OPHN1: variants seen among roughly 807,000 people sequenced by gnomAD.
The protein encoded by OPHN1 is oligophrenin-1.
In OPHN1, 11 loss-of-function variants were observed where a neutral mutation model predicts 60.7. The ratio of observed to expected loss-of-function variants is 0.18; its 90% confidence interval spans 0.11 to 0.30. OPHN1 has a LOEUF of 0.30. OPHN1 is among the 10% of genes least tolerant of loss of function. OPHN1 has a pLI of 1.00. For missense variants in OPHN1, 449 were observed against 611.0 expected, an observed-to-expected ratio of 0.73 and a Z score of 2.80; for synonymous variants, 226 against 222.6, an observed-to-expected ratio of 1.02 and a Z score of -0.14.
At chrX:68,273,576 A>T (rs1176868562) in intron 5 of OPHN1, among the ~76,000 whole-genome samples, 4 of 112,357 alleles carry the variant, frequency 3.6e-5, no homozygotes, top group African/African-American at 1.3e-4. Context: ...TGTCCAACAC[A>T]GTAGCTACTA....
intron 19 of OPHN1, among the ~76,000 whole-genome samples, chrX:68,082,001 A>G (rs1287346613): frequency 8.9e-6 from 1 of 112,035 alleles, no homozygotes; most frequent in Non-Finnish European, 1.9e-5. Flanking sequence ...CATTTCCACA[A>G]TGTTCACAGC....
At chrX:68,199,241 C>T (rs1489029776) in intron 11 of OPHN1, among the ~76,000 whole-genome samples, 1 of 111,662 alleles carries the variant, frequency 9.0e-6, no homozygotes, top group Admixed American at 9.6e-5. Flanking sequence ...GTGACTCACA[C>T]CTGTAATATG....
intron 2 of OPHN1, among the ~76,000 whole-genome samples, chrX:68,356,758 G>A (rs889087728): frequency 9.9e-5 from 11 of 111,170 alleles, no homozygotes; most frequent in Non-Finnish European, 1.5e-4. Flanking sequence ...TTGGTTCTAA[G>A]TCTCTGGAGA....
intron 6 of OPHN1, among the ~76,000 whole-genome samples, chrX:68,228,750 T>C (rs1476800986): frequency 9.0e-6 from 1 of 111,121 alleles, no homozygotes; most frequent in Non-Finnish European, 1.9e-5. Context: ...TAGGTATTGA[T>C]AGGATGTATC....
chrX:68,105,138 A>T (rs1473785958), intron 18 of OPHN1, among the ~76,000 whole-genome samples: 1 of 111,426 alleles, frequency 9.0e-6, no homozygotes, highest in Non-Finnish European at 1.9e-5. Context: ...AATGGCAGTC[A>T]TTAAAAAGTC....
Position 68,046,400 on chromosome X carries a change from G to C in OPHN1, c.*772C>G, listed in dbSNP as rs553181696. The C allele has an allele frequency of 8.0e-5, 9 of 112,160 alleles. No individual in the cohort carries two copies. The highest frequency in any genetic ancestry group is 7.5e-4 in the South Asian group (2 of 2,665). The allele number at this position is 112,160 out of a possible 1,213,427, so 9.2% of individuals were successfully genotyped here. ...TGTGTTCAGCTTTTGTTTGTTTCTT[G>C]ATTGCTTGACAGGAAGCTGTCAAAA... On this transcript the variant is annotated 3_prime_UTR_variant, in exon 25 of 25. Transcript: ENST00000355520.
At position 68,096,105 on chromosome X, in the gene OPHN1, C is replaced by G. The variant is rs1270420686; in HGVS notation, c.1686+765G>C. Reference sequence around the variant, plus strand: ...AGCAGAAGCAAGAAGGTTTCTCTACCTTCTCCCCTGGAGCAGGCCATAAAA... The same window carrying G: ...AGCAGAAGCAAGAAGGTTTCTCTACGTTCTCCCCTGGAGCAGGCCATAAAA... On this transcript the variant is annotated intron_variant, in intron 19 of 24. Transcript: ENST00000355520. 2.7e-5 allele frequency among the ~76,000 whole-genome samples: 3 copies of G among 111,239 alleles called. No individual in the cohort carries two copies. The East Asian group carries it at 8.5e-4, about 32-fold the overall frequency.
chrX:68,057,548 C>A (rs1455834557), intron 21 of OPHN1, among the ~76,000 whole-genome samples: 2 of 111,801 alleles, frequency 1.8e-5, no homozygotes, highest in African/African-American at 3.3e-5. Flanking sequence ...AAAATATGAA[C>A]CCTATTCATT....
intron 2 of OPHN1, among the ~76,000 whole-genome samples, chrX:68,318,138 A>G (rs1346246669): frequency 8.9e-6 from 1 of 111,905 alleles, no homozygotes; most frequent in Non-Finnish European, 1.9e-5. Context: ...ATTAACAAGT[A>G]GAAACTGAAA....
intron 2 of OPHN1, among the ~76,000 whole-genome samples, chrX:68,331,298 TTA>T (rs1478720581): frequency 9.3e-6 from 1 of 107,771 alleles, no homozygotes; most frequent in Non-Finnish European, 1.9e-5. Flanking sequence ...GATTATAATA[TTA>T]TATATAAACA....
At chrX:68,310,873 G>A (rs998237504) in intron 2 of OPHN1, among the ~76,000 whole-genome samples, 7 of 111,031 alleles carry the variant, frequency 6.3e-5, no homozygotes, top group Non-Finnish European at 1.3e-4. Flanking sequence ...AGCACAGGGA[G>A]AAAAACAGCT....
chrX:68,368,971 G>A (rs1180170874), intron 2 of OPHN1, among the ~76,000 whole-genome samples: 1 of 111,755 alleles, frequency 8.9e-6, no homozygotes, highest in Admixed American at 9.6e-5. Flanking sequence ...CACTTTGGGA[G>A]GCCAAGGCAG....
At chrX:68,059,462 T>C (rs2076885252) in intron 21 of OPHN1, among the ~76,000 whole-genome samples, 1 of 111,896 alleles carries the variant, frequency 8.9e-6, no homozygotes, top group Non-Finnish European at 1.9e-5. Context: ...CCTTAAAGCC[T>C]TCCTGCTTCC....
intron 5 of OPHN1, among the ~76,000 whole-genome samples, chrX:68,263,372 T>C (rs761929344): frequency 8.9e-5 from 10 of 111,828 alleles, no homozygotes; most frequent in African/African-American, 2.6e-4. Context: ...CCTATCCCTC[T>C]GTTCCTGCCT....
chrX:68,400,451 A>G (rs1160473787), intron 2 of OPHN1, among the ~76,000 whole-genome samples: 1 of 110,221 alleles, frequency 9.1e-6, no homozygotes, highest in Non-Finnish European at 1.9e-5. Context: ...GTAATGTATA[A>G]AGAAAACAGG....
intron 2 of OPHN1, among the ~76,000 whole-genome samples, chrX:68,317,002 T>C (rs780965859): frequency 5.7e-4 from 63 of 110,388 alleles, no homozygotes; most frequent in Non-Finnish European, 9.1e-4. Flanking sequence ...GAAATCAAAC[T>C]AGAAATCAGT....
chrX:68,187,730 C>T (rs1421991698), intron 15 of OPHN1, among the ~76,000 whole-genome samples: 1 of 110,330 alleles, frequency 9.1e-6, no homozygotes, highest in Non-Finnish European at 1.9e-5. Context: ...CAGGTTTACG[C>T]CATTCTCCTG....
At chrX:68,301,274 C>T (rs1039997726) in intron 2 of OPHN1, among the ~76,000 whole-genome samples, 2 of 109,135 alleles carry the variant, frequency 1.8e-5, no homozygotes, top group Non-Finnish European at 3.8e-5. Flanking sequence ...GGTGAAATCC[C>T]ATCTTTACTA....
At chrX:68,203,243 A>G (rs2077543279) in intron 10 of OPHN1, among the ~76,000 whole-genome samples, 1 of 111,750 alleles carries the variant, frequency 8.9e-6, no homozygotes, top group Admixed American at 9.5e-5. Flanking sequence ...TGACAAAGTG[A>G]GATTCTGTCT....
Sources: allele counts gnomAD v4.1 joint callset (sites outside exome capture counted in the v4.1 genomes callset), GRCh38; gene constraint gnomAD v4.1.1; transcripts MANE v1.5; gene names NCBI Gene and HGNC (gene_info 2026-07-23, HGNC 2026-07-21).